MTFR1: variants seen among roughly 807,000 people sequenced by gnomAD.
MTFR1 encodes the protein chondrocyte protein with a poly-proline region.
MTFR1 carries 28 observed loss-of-function variants against 38.8 expected under a neutral mutation model. That is an observed-to-expected ratio of 0.72 (90% CI 0.53 to 0.99). The LOEUF (loss-of-function observed/expected upper bound fraction) is 0.99, where lower values mean the gene tolerates loss of function less well. MTFR1 is among the 50% of genes least tolerant of loss of function. The probability of loss-of-function intolerance (pLI) is 0.00; values close to 1 mark genes in which losing one functional copy is unlikely to be tolerated. For missense variants in MTFR1, 358 were observed against 395.5 expected, an observed-to-expected ratio of 0.91 and a Z score of 0.81; for synonymous variants, 145 against 137.0, an observed-to-expected ratio of 1.06 and a Z score of -0.41.
chr8:65,732,281 G>A (rs1037576644), intron 3 of MTFR1, among the ~76,000 whole-genome samples: 1 of 151,948 alleles, frequency 6.6e-6, no homozygotes, highest in African/African-American at 2.4e-5. Flanking sequence ...TTACAGGCGT[G>A]AGCCACCATG....
chr8:65,669,901 T>A lies in MTFR1; in HGVS notation c.-52T>A. The A allele has an allele frequency of 7.1e-7, 1 of 1,411,838 alleles. No homozygotes were observed. The highest frequency in any genetic ancestry group is 1.4e-5 in the African/African-American group (1 of 70,256). The allele number at this position is 1,411,838 out of a possible 1,614,324, so 87.5% of individuals were successfully genotyped here. Reference sequence around the variant, plus strand: ...GTTTTATGGACCATGTGCTGCTATGTATGCCTGAAGAAGTACTTGAAATGC... The same window carrying A: ...GTTTTATGGACCATGTGCTGCTATGAATGCCTGAAGAAGTACTTGAAATGC... On this transcript the variant is annotated 5_prime_UTR_variant, in exon 2 of 8. The change creates a premature stop within an existing upstream ORF in the 5' untranslated region. Coordinates refer to ENST00000262146, the MANE Select transcript of MTFR1 (RefSeq NM_014637.4).
chr8:65,680,736 A>G (rs1804853752), intron 2 of MTFR1, among the ~76,000 whole-genome samples: 1 of 151,640 alleles, frequency 6.6e-6, no homozygotes, highest in Non-Finnish European at 1.5e-5. Context: ...CAGAATTCAT[A>G]CTCAGCTGAT....
chr8:65,719,723 A>G (rs866053211), intron 3 of MTFR1: 1 of 547,248 alleles, frequency 1.8e-6, no homozygotes, highest in Non-Finnish European at 3.3e-6. Context: ...AAGTGAACTG[A>G]CAAATATATC....
chr8:65,662,020 CCTCTCTCT>C (rs1391434193), intron 1 of MTFR1, among the ~76,000 whole-genome samples: 24 of 137,048 alleles, frequency 1.8e-4, no homozygotes, highest in African/African-American at 5.8e-4. Flanking sequence ...TCTCTCTCTC[CCTCTCTCT>C]CTCCCTCTCT....
chr8:65,662,149 C>T (rs1809445391), intron 1 of MTFR1, among the ~76,000 whole-genome samples: 1 of 150,658 alleles, frequency 6.6e-6, no homozygotes, highest in African/African-American at 2.4e-5. Context: ...TGATGCCGAG[C>T]GGAAGCTGGA....
chr8:65,709,131 A>C lies in MTFR1; in HGVS notation c.*87A>C. 8.7e-7 allele frequency: 1 copy of C among 1,146,402 alleles called. No homozygotes were observed. The highest frequency in any genetic ancestry group is 1.2e-5 in the South Asian group (1 of 80,914). The allele number at this position is 1,146,402 out of a possible 1,614,324, so 71.0% of individuals were successfully genotyped here. Reference sequence around the variant, plus strand: ...TAGTAGAAATCGACACTGTTTAGTAAATACCTCTTTAGTATTCAGTGGTCT... The same window carrying C: ...TAGTAGAAATCGACACTGTTTAGTACATACCTCTTTAGTATTCAGTGGTCT... On this transcript the variant is annotated 3_prime_UTR_variant, in exon 8 of 8. Transcript: ENST00000262146.
intron 4 of MTFR1, among the ~76,000 whole-genome samples, chr8:65,695,675 G>A (rs1805421561): frequency 1.3e-5 from 2 of 152,160 alleles, no homozygotes; most frequent in South Asian, 4.1e-4. Flanking sequence ...TAGGAATATA[G>A]GAAAACAGAT....
intron 5 of MTFR1, among the ~76,000 whole-genome samples, chr8:65,706,117 G>T (rs1022893169): frequency 6.6e-6 from 1 of 152,172 alleles, no homozygotes; most frequent in African/African-American, 2.4e-5. Context: ...GTGGGTGGGG[G>T]TGGAGGCACT....
intron 3 of MTFR1, among the ~76,000 whole-genome samples, chr8:65,731,788 G>A (rs968664235): frequency 2.0e-5 from 3 of 151,800 alleles, no homozygotes; most frequent in African/African-American, 7.3e-5. Context: ...TAAATTATAA[G>A]GTATAAAAAC....
chr8:65,703,434 T>TG (rs1563456819), intron 4 of MTFR1, among the ~76,000 whole-genome samples: 24 of 127,688 alleles, frequency 1.9e-4, no homozygotes, highest in African/African-American at 6.9e-4. Context: ...TTTTTTTTTT[T>TG]TTTTTTTTTT....
chr8:65,762,400 T>C (rs1401129804), intron 3 of MTFR1, among the ~76,000 whole-genome samples: 1 of 152,136 alleles, frequency 6.6e-6, no homozygotes, highest in African/African-American at 2.4e-5. Flanking sequence ...CAATGGTCAT[T>C]AGTAGAGCAG....
chr8:65,667,976 C>A (rs1166731169), intron 1 of MTFR1, among the ~76,000 whole-genome samples: 7 of 152,098 alleles, frequency 4.6e-5, no homozygotes. Flanking sequence ...TTTATTTTCA[C>A]CCAGCACTTG....
rs1432958462 is a variant in MTFR1 at position 65,662,552 on chromosome 8, G to C, written c.-80-7321G>C. On this transcript the variant is annotated intron_variant, in intron 1 of 7. Coordinates refer to ENST00000262146, the MANE Select transcript of MTFR1 (RefSeq NM_014637.4). The stretch of plus-strand genomic sequence containing the variant: ...GGGAAGTGAGGAGCGTCTCTGCCTG[G>C]CCGCCCATCGTCTGGGATGTGAGGA... Among the ~76,000 whole-genome samples the C allele has an allele frequency of 2.7e-5, 4 of 145,594 alleles. 1 individual carries two copies. Among genetic ancestry groups the C allele is most frequent in the African/African-American group, 1.0e-4 (4 of 39,994 alleles).
intron 4 of MTFR1, among the ~76,000 whole-genome samples, chr8:65,695,961 C>T (rs1234463784): frequency 6.6e-6 from 1 of 152,136 alleles, no homozygotes; most frequent in African/African-American, 2.4e-5. Flanking sequence ...TCCCCAACCC[C>T]AACCCATCAC....
At chr8:65,671,508 C>A (rs2129051447) in intron 2 of MTFR1, among the ~76,000 whole-genome samples, 1 of 147,994 alleles carries the variant, frequency 6.8e-6, no homozygotes, top group Admixed American at 6.9e-5. Context: ...GTACTCCAGC[C>A]TGAGCAATAG....
intron 4 of MTFR1, among the ~76,000 whole-genome samples, chr8:65,696,081 G>T (rs1805433018): frequency 6.6e-6 from 1 of 152,130 alleles, no homozygotes; most frequent in African/African-American, 2.4e-5. Context: ...ATACTTAGAG[G>T]CTGGGTAAAT....
chr8:65,712,829 A>G (rs1805990116), downstream of MTFR1, among the ~76,000 whole-genome samples: 1 of 152,184 alleles, frequency 6.6e-6, no homozygotes, highest in East Asian at 1.9e-4. Context: ...TAAGGGAAGC[A>G]CTATCCTTTC....
chr8:65,709,084 G>A lies in MTFR1; in HGVS notation c.*40G>A. Reference sequence around the variant, plus strand: ...CGAAAAGACTCCTGGTTCCCCTGTTGATTTGTGAGGGCCAAGTTTGCTAGT... The same window carrying A: ...CGAAAAGACTCCTGGTTCCCCTGTTAATTTGTGAGGGCCAAGTTTGCTAGT... On this transcript the variant is annotated 3_prime_UTR_variant, in exon 8 of 8. Coordinates refer to ENST00000262146, the MANE Select transcript of MTFR1 (RefSeq NM_014637.4). The A allele has an allele frequency of 6.3e-7, 1 of 1,586,852 alleles. No individual in the cohort carries two copies. Among genetic ancestry groups the A allele is most frequent in the Non-Finnish European group, 8.7e-7 (1 of 1,155,494 alleles).
At chr8:65,750,594 C>G (rs981901165) in intron 3 of MTFR1, among the ~76,000 whole-genome samples, 26 of 151,736 alleles carry the variant, frequency 1.7e-4, no homozygotes, top group Non-Finnish European at 3.7e-4. Context: ...ATGAATTAGC[C>G]TCATTTGAGA....
Sources: gnomAD v4.1 joint callset for allele counts (sites outside exome capture counted in the v4.1 genomes callset) on GRCh38, gnomAD v4.1.1 for gene constraint, MANE v1.5 for transcripts, NCBI Gene and HGNC (gene_info 2026-07-23, HGNC 2026-07-21) for gene names.